The following FHIT variants were observed in gnomAD, a reference collection of about 807,000 sequenced individuals.
FHIT encodes bis(5'-adenosyl)-triphosphatase.
In FHIT, 19 loss-of-function variants were observed where a neutral mutation model predicts 17.9. The ratio of observed to expected loss-of-function variants is 1.06; its 90% CI spans 0.74 to 1.56. FHIT has a LOEUF of 1.56. FHIT is among the 40% of genes most tolerant of loss of function. The pLI, the probability that FHIT is intolerant of heterozygous loss-of-function variation, is 0.00. For synonymous variants in FHIT, 81 were observed against 69.7 expected (o/e 1.16, Z -0.81); for missense variants, 248 against 189.2 (o/e 1.31, Z -1.82).
intron 1 of FHIT, among the ~76,000 whole-genome samples, chr3:61,248,883 C>A (rs144769353): frequency 6.6e-6 from 1 of 152,202 alleles, no homozygotes; most frequent in Non-Finnish European, 1.5e-5. Context: ...AGATTGCAGA[C>A]TACTTCGTAA....
rs944618307 is a variant in FHIT, at chr3:60,565,516, A to G, written c.-17-28537T>C. On this transcript the variant is annotated intron_variant, in intron 4 of 9. Coordinates refer to ENST00000492590, the MANE Select transcript of FHIT (RefSeq NM_002012.4). ...AGATGCCTGTTATTCCTTTAAAAAT[A>G]TGAGAGCAATGGATTTCATTTACAA... Among the ~76,000 whole-genome samples, 6 of 152,228 alleles carry G rather than the reference A, an allele frequency of 3.9e-5. No individual in the cohort carries two copies. The East Asian group carries it at 1.2e-3, about 29-fold the overall frequency.
At chr3:60,294,744 C>G (rs1468881014) in intron 5 of FHIT, among the ~76,000 whole-genome samples, 1 of 152,106 alleles carries the variant, frequency 6.6e-6, no homozygotes, top group African/African-American at 2.4e-5. Flanking sequence ...TTCTCCATTT[C>G]TATACTTTTG....
chr3:60,742,438 C>T (rs2042258536), intron 4 of FHIT, among the ~76,000 whole-genome samples: 1 of 152,148 alleles, frequency 6.6e-6, no homozygotes, highest in South Asian at 2.1e-4. Flanking sequence ...TTCCTACTGT[C>T]CATTTCTCCT....
chr3:59,926,010 G>A (rs1705642609), intron 7 of FHIT, among the ~76,000 whole-genome samples: 1 of 152,188 alleles, frequency 6.6e-6, no homozygotes, highest in Non-Finnish European at 1.5e-5. Flanking sequence ...TTTTCTAAGT[G>A]CCAACAAAAC....
intron 5 of FHIT, among the ~76,000 whole-genome samples, chr3:60,238,409 T>C (rs906879298): frequency 2.7e-5 from 4 of 146,072 alleles, no homozygotes; most frequent in Non-Finnish European, 4.5e-5. Context: ...GGTTTTATTA[T>C]CTTAAGAAAT....
chr3:60,557,792 T>A (rs1018583848), intron 4 of FHIT, among the ~76,000 whole-genome samples: 28 of 152,064 alleles, frequency 1.8e-4, no homozygotes. Flanking sequence ...TAGGTATTGT[T>A]GAAAAATGCA....
chr3:60,158,551 ATCCGCCCGCC>A (rs1446729710), intron 5 of FHIT, among the ~76,000 whole-genome samples: 2 of 152,002 alleles, frequency 1.3e-5, no homozygotes, highest in Non-Finnish European at 2.9e-5. Flanking sequence ...ACCTCAGATG[ATCCGCCCGCC>A]TCTGCCTTGC....
intron 3 of FHIT, among the ~76,000 whole-genome samples, chr3:60,924,976 G>T (rs1553769461): frequency 1.3e-5 from 2 of 152,184 alleles, no homozygotes; most frequent in South Asian, 4.2e-4. Flanking sequence ...AAGATCAAAT[G>T]AATGAAATGA....
intron 2 of FHIT, among the ~76,000 whole-genome samples, chr3:61,131,228 G>C (rs1401582278): frequency 4.6e-5 from 7 of 152,164 alleles, no homozygotes. Flanking sequence ...GCTTTGCACA[G>C]AGTGAGTACT....
At chr3:60,453,901 A>G (rs1184344933) in intron 5 of FHIT, among the ~76,000 whole-genome samples, 2 of 152,184 alleles carry the variant, frequency 1.3e-5, no homozygotes, top group African/African-American at 4.8e-5. Flanking sequence ...GCTCATTCCG[A>G]ACAGACAAAA....
intron 2 of FHIT, among the ~76,000 whole-genome samples, chr3:61,171,468 T>G (rs10049452): frequency 0.47 from 70,701 of 152,042 alleles, 17,314 homozygotes; most frequent in East Asian, 0.87. Context: ...TAATCTTAAT[T>G]TATAGACTAA....
chr3:61,038,591 A>G (rs111856022), intron 3 of FHIT, among the ~76,000 whole-genome samples: 2 of 152,242 alleles, frequency 1.3e-5, no homozygotes, highest in African/African-American at 4.8e-5. Flanking sequence ...TACTGTTTAT[A>G]TTGCTTGATA....
intron 5 of FHIT, among the ~76,000 whole-genome samples, chr3:60,494,363 T>G (rs1191844033): frequency 6.6e-6 from 1 of 152,218 alleles, no homozygotes; most frequent in Non-Finnish European, 1.5e-5. Flanking sequence ...GTTGTATATA[T>G]TTATGGGGTA....
intron 3 of FHIT, among the ~76,000 whole-genome samples, chr3:61,010,799 G>C (rs1319942399): frequency 1.3e-5 from 2 of 152,152 alleles, no homozygotes; most frequent in African/African-American, 4.8e-5. Context: ...ATTTCTCATT[G>C]TAGCAGAATT....
intron 5 of FHIT, among the ~76,000 whole-genome samples, chr3:60,231,435 G>A (rs62238513): frequency 0.14 from 21,875 of 152,074 alleles, 1,760 homozygotes; most frequent in Admixed American, 0.21. Context: ...TCTACCTGCC[G>A]CAGCCTTCCA....
At chr3:60,207,294 T>C (rs1703242183) in intron 5 of FHIT, among the ~76,000 whole-genome samples, 1 of 152,118 alleles carries the variant, frequency 6.6e-6, no homozygotes, top group South Asian at 2.1e-4. Flanking sequence ...AGTTTTATTT[T>C]GATATACAAA....
intron 4 of FHIT, among the ~76,000 whole-genome samples, chr3:60,801,350 C>T (rs1460399112): frequency 6.6e-6 from 1 of 152,320 alleles, no homozygotes; most frequent in East Asian, 1.9e-4. Flanking sequence ...CACACTTGCC[C>T]TAACCTGGTT....
At chr3:60,237,863 T>C (rs1413759732) in intron 5 of FHIT, among the ~76,000 whole-genome samples, 1 of 152,066 alleles carries the variant, frequency 6.6e-6, no homozygotes, top group Non-Finnish European at 1.5e-5. Flanking sequence ...GGGCCGGGCA[T>C]GGTGGCTTAT....
At chr3:61,159,974 T>C (rs1216017409) in intron 2 of FHIT, among the ~76,000 whole-genome samples, 1 of 152,178 alleles carries the variant, frequency 6.6e-6, no homozygotes, top group African/African-American at 2.4e-5. Context: ...CTTGAGTTTT[T>C]GACACTAGGG....
Sources: allele counts gnomAD v4.1 joint callset (sites outside exome capture counted in the v4.1 genomes callset), GRCh38; gene constraint gnomAD v4.1.1; transcripts MANE v1.5; gene names NCBI Gene and HGNC (gene_info 2026-07-23, HGNC 2026-07-21).